Variants in LYN observed in about 807,000 individuals in gnomAD.
LYN encodes the protein LYN proto-oncogene, Src family tyrosine kinase, also known as tyrosine-protein kinase Lyn.
In LYN, 12 loss-of-function variants were observed where a neutral mutation model predicts 65.0. The observed-to-expected ratio is 0.18, with a 90% CI of 0.12 to 0.30. The LOEUF is 0.30. Among genes scored for constraint, LYN ranks in the 10% least tolerant of loss-of-function variants. LYN has a pLI of 1.00. For missense variants in LYN, 380 were observed against 623.2 expected, an observed-to-expected ratio of 0.61 and a Z score of 4.16; for synonymous variants, 222 against 221.2, an observed-to-expected ratio of 1.00 and a Z score of -0.03.
At chr8:55,953,040 C>T (rs530518807) in intron 7 of LYN, among the ~76,000 whole-genome samples, 18 of 152,278 alleles carry the variant, frequency 1.2e-4, no homozygotes, top group African/African-American at 3.6e-4. Flanking sequence ...TCCCAAAACA[C>T]GGAGAGAGCA....
rs534295314 is a variant in LYN at position 55,947,823 on chromosome 8, G to A, written c.284+100G>A. The A allele has an allele frequency of 4.3e-4, 349 of 814,644 alleles. 1 individual carries two copies. Among genetic ancestry groups the A allele is most frequent in the South Asian group, 5.7e-4 (39 of 68,042 alleles). 50.5% of individuals were successfully genotyped at this position (814,644 alleles called of 1,614,324 possible). ...GCTTCTGGTGCTACAGCCATAGCCC[G>A]GCCCCTTTCTTGTAATGGGTATGAG... On this transcript the variant is annotated intron_variant, in intron 4 of 12. Transcript: ENST00000519728.
At chr8:55,982,517 C>G (rs1310674552) in intron 10 of LYN, among the ~76,000 whole-genome samples, 1 of 152,114 alleles carries the variant, frequency 6.6e-6, no homozygotes, top group African/African-American at 2.4e-5. Context: ...TTTCCATTTC[C>G]AGACCTTCTA....
At chr8:55,966,151 C>T (rs1323721309) in intron 8 of LYN, among the ~76,000 whole-genome samples, 2 of 152,076 alleles carry the variant, frequency 1.3e-5, no homozygotes, top group Non-Finnish European at 2.9e-5. Context: ...TATTAGCCCT[C>T]ATGGTAGAGT....
chr8:55,967,003 C>A, intron 9 of LYN, 106 bp downstream of exon 9: 3 of 1,022,232 alleles, frequency 2.9e-6, no homozygotes, highest in South Asian at 1.8e-5. Flanking sequence ...AAACAGTATA[C>A]CCACTACCGA....
intron 1 of LYN, among the ~76,000 whole-genome samples, chr8:55,890,268 C>T (rs1381427343): frequency 1.3e-5 from 2 of 151,998 alleles, no homozygotes; most frequent in African/African-American, 2.4e-5. Flanking sequence ...GCAATGATTA[C>T]ACCACCACAC....
chr8:56,004,555 A>C (rs574326945), intron 12 of LYN, among the ~76,000 whole-genome samples: 1 of 152,082 alleles, frequency 6.6e-6, no homozygotes, highest in African/African-American at 2.4e-5. Flanking sequence ...CAGCCTCCCA[A>C]AGTGCAGGGA....
At chr8:55,910,326 T>C (rs1323993755) in intron 1 of LYN, among the ~76,000 whole-genome samples, 1 of 152,182 alleles carries the variant, frequency 6.6e-6, no homozygotes, top group Non-Finnish European at 1.5e-5. Flanking sequence ...TTTTTGTATA[T>C]GGTAAGAGAT....
At chr8:55,946,522 T>C (rs766757650) in intron 3 of LYN, 29 bp downstream of exon 3, 3 of 1,482,016 alleles carry the variant, frequency 2.0e-6, no homozygotes, top group African/African-American at 1.4e-5. Context: ...ATAGTTAAAA[T>C]TTTTTTTCTT....
chr8:55,888,042 G>GT (rs1804853297), intron 1 of LYN, among the ~76,000 whole-genome samples: 1 of 152,318 alleles, frequency 6.6e-6, no homozygotes, highest in South Asian at 2.1e-4. Flanking sequence ...GGATATAATT[G>GT]TAAGAGTCCT....
intron 12 of LYN, among the ~76,000 whole-genome samples, chr8:56,004,285 A>C (rs1447203812): frequency 6.7e-6 from 1 of 148,392 alleles, no homozygotes; most frequent in Non-Finnish European, 1.5e-5. Context: ...AGTAGTACAG[A>C]AAGACTTCCT....
At chr8:55,989,101 A>G (rs1334123868) in intron 10 of LYN, among the ~76,000 whole-genome samples, 1 of 152,240 alleles carries the variant, frequency 6.6e-6, no homozygotes, top group Admixed American at 6.5e-5. Context: ...AACAGTCCAC[A>G]GGGCACATGC....
intron 10 of LYN, among the ~76,000 whole-genome samples, chr8:55,983,466 C>T (rs1311155815): frequency 6.6e-6 from 1 of 152,214 alleles, no homozygotes; most frequent in African/African-American, 2.4e-5. Context: ...ACCTCAGCCT[C>T]CAGGTGTCTC....
intron 6 of LYN, among the ~76,000 whole-genome samples, chr8:55,951,523 G>C (rs1033756164): frequency 6.6e-6 from 1 of 152,092 alleles, no homozygotes; most frequent in African/African-American, 2.4e-5. Flanking sequence ...AAATTAGCCA[G>C]CTGTGGTGGT....
intron 1 of LYN, among the ~76,000 whole-genome samples, chr8:55,886,271 C>T (rs1380283678): frequency 7.3e-6 from 1 of 137,682 alleles, no homozygotes; most frequent in Admixed American, 7.8e-5. Context: ...GATGGAGTCT[C>T]GCTCTGTCGC....
chr8:55,929,389 C>T (rs1032114528), intron 1 of LYN, among the ~76,000 whole-genome samples: 1 of 152,146 alleles, frequency 6.6e-6, no homozygotes, highest in Non-Finnish European at 1.5e-5. Flanking sequence ...TCAACAGCTA[C>T]CAGATCTGTG....
intron 4 of LYN, among the ~76,000 whole-genome samples, chr8:55,949,363 G>A (rs16922466): frequency 0.085 from 12,866 of 152,194 alleles, 1,155 homozygotes; most frequent in African/African-American, 0.23. Context: ...GCAGTGATGC[G>A]TGCTTTAGTT....
At chr8:55,990,563 A>C (rs2130569573) in intron 10 of LYN, among the ~76,000 whole-genome samples, 1 of 152,336 alleles carries the variant, frequency 6.6e-6, no homozygotes, top group Non-Finnish European at 1.5e-5. Flanking sequence ...TTGTCAGAGA[A>C]ATATATTTTA....
Position 55,951,947 on chromosome 8 carries a change from T to TA in LYN, c.488-18dup. 6.2e-7 allele frequency: 1 copy of TA among 1,606,110 alleles called. No homozygotes were observed. The highest frequency in any genetic ancestry group is 8.5e-7 in the Non-Finnish European group (1 of 1,176,902). The stretch of plus-strand genomic sequence containing the variant: ...TATTTGTGAGATATAAACATTTACT[T>TA]ACACTTTTCCCCCCATAGGAAGCTT... On this transcript the variant is annotated intron_variant, in intron 6 of 12. Transcript: ENST00000519728.
chr8:55,934,930 T>C (rs1806382984), intron 1 of LYN, among the ~76,000 whole-genome samples: 1 of 152,194 alleles, frequency 6.6e-6, no homozygotes, highest in South Asian at 2.1e-4. Context: ...TCCTCCCTTC[T>C]AGGGGGAGCC....
Sources: allele counts gnomAD v4.1 joint callset (sites outside exome capture counted in the v4.1 genomes callset), GRCh38; gene constraint gnomAD v4.1.1; transcripts MANE v1.5; gene names NCBI Gene and HGNC (gene_info 2026-07-23, HGNC 2026-07-21).